Variants in CERS6 observed in about 807,000 individuals in gnomAD.
The protein encoded by CERS6 is LAG1 homolog, ceramide synthase 6.
A neutral mutation model predicts 56.8 loss-of-function variants in CERS6; 26 were observed. The observed-to-expected ratio is 0.46, with a 90% CI of 0.34 to 0.63. The LOEUF is 0.63. CERS6 is among the 30% of genes least tolerant of loss of function. CERS6 has a pLI of 0.01. For missense variants in CERS6, 415 were observed against 467.5 expected (o/e 0.89, Z 1.04); for synonymous variants, 164 against 173.3 (o/e 0.95, Z 0.42).
chr2:168,508,481 A>G (rs373916647), intron 1 of CERS6, among the ~76,000 whole-genome samples: 1 of 152,182 alleles, frequency 6.6e-6, no homozygotes, highest in African/African-American at 2.4e-5. Flanking sequence ...TTAATCTTCC[A>G]TCCTTTATTA....
rs1353929227 is a variant in CERS6, at chr2:168,502,493, T to C, written c.171-45103T>C. 5.3e-5 allele frequency among the ~76,000 whole-genome samples: 8 copies of C among 152,294 alleles called. No individual in the cohort carries two copies. The East Asian group carries it at 1.4e-3, about 26-fold the overall frequency. The stretch of plus-strand genomic sequence containing the variant: ...AGCTTTGGCTGCTTCATCTGCAGCA[T>C]GGTTGTCTTTGTTGTCCTTTGTCTT... On this transcript the variant is annotated intron_variant, in intron 1 of 9. Transcript: ENST00000305747.
rs752453936 is a variant in CERS6 at position 168,470,212 on chromosome 2, C to CAAAA, written c.170+13612_170+13615dup. 3.0e-3 allele frequency among the ~76,000 whole-genome samples: 315 copies of CAAAA among 105,568 alleles called. 1 individual carries two copies. The highest frequency in any genetic ancestry group is 3.9e-3 in the Non-Finnish European group (201 of 51,714). 69.3% of individuals were successfully genotyped at this position (105,568 alleles called of 152,430 possible). A position where few individuals can be genotyped will look rare whatever the true frequency, so the allele number is the denominator to read the frequency against. Reference sequence around the variant, plus strand: ...CCTAGTGAGACCCTGCCAACTCTACCAAAAAAAAAAAAAAAAAAAAATTAG... The same window carrying CAAAA: ...CCTAGTGAGACCCTGCCAACTCTACCAAAAAAAAAAAAAAAAAAAAAAAAATTAG... On this transcript the variant is annotated intron_variant, in intron 1 of 9. Coordinates refer to ENST00000305747, the MANE Select transcript of CERS6 (RefSeq NM_203463.3).
At chr2:168,552,627 C>A (rs1695597016) in intron 2 of CERS6, among the ~76,000 whole-genome samples, 1 of 152,070 alleles carries the variant, frequency 6.6e-6, no homozygotes, top group Non-Finnish European at 1.5e-5. Flanking sequence ...ACAAAAGAAC[C>A]ACCCACTGTT....
At chr2:168,468,068 C>T (rs1366977611) in intron 1 of CERS6, among the ~76,000 whole-genome samples, 1 of 152,108 alleles carries the variant, frequency 6.6e-6, no homozygotes, top group Admixed American at 6.5e-5. Flanking sequence ...GCCTTTTCTT[C>T]TCAACAGTTA....
At chr2:168,469,279 A>G (rs1244165051) in intron 1 of CERS6, among the ~76,000 whole-genome samples, 17 of 152,190 alleles carry the variant, frequency 1.1e-4, no homozygotes, top group Non-Finnish European at 2.9e-5. Flanking sequence ...AGCTCTGCAT[A>G]GTTTAAATAT....
chr2:168,584,783 C>T (rs940684972), intron 3 of CERS6, among the ~76,000 whole-genome samples: 1 of 152,194 alleles, frequency 6.6e-6, no homozygotes, highest in South Asian at 2.1e-4. Context: ...TAGACATCAA[C>T]AAACAAAAAT....
Position 168,561,313 on chromosome 2 carries a change from G to A in CERS6, c.398G>A (p.Cys133Tyr). ...AAGCCAAGCACGCTGACGAGGTTCT[G>A]TGAGAGCATGTAAGTTGCTGTTTTT... Reference protein sequence around the residue: ...QEKPSTLTRFCESMWRFSFYL... With the variant: ...QEKPSTLTRFYESMWRFSFYL... The change falls in exon 3 of 10, where the codon TGT (cysteine) becomes TAT (tyrosine). Residue 133 changes from cysteine (C) to tyrosine (Y), a missense_variant. Physicochemically the swap from Cys to Tyr is radical, Grantham distance 194. Coordinates refer to ENST00000305747, the MANE Select transcript of CERS6 (RefSeq NM_203463.3). 1 of 1,614,088 alleles carries A rather than the reference G, an allele frequency of 6.2e-7. No individual in the cohort carries two copies. Among genetic ancestry groups the A allele is most frequent in the South Asian group, 1.1e-5 (1 of 91,088 alleles).
At chr2:168,648,626 T>C (rs1249418375) in intron 4 of CERS6, among the ~76,000 whole-genome samples, 1 of 152,228 alleles carries the variant, frequency 6.6e-6, no homozygotes, top group African/African-American at 2.4e-5. Flanking sequence ...GGTTGTTAAT[T>C]TTAGATCTTT....
intron 6 of CERS6, among the ~76,000 whole-genome samples, chr2:168,713,171 G>T (rs548191123): frequency 1.3e-5 from 2 of 152,174 alleles, no homozygotes; most frequent in South Asian, 4.2e-4. Context: ...ATGAATAAAT[G>T]ACCATATGAA....
intron 8 of CERS6, among the ~76,000 whole-genome samples, chr2:168,739,792 C>CTG (rs1398220162): frequency 6.6e-6 from 1 of 151,646 alleles, no homozygotes; most frequent in Non-Finnish European, 1.5e-5. Flanking sequence ...GTCACCCAGG[C>CTG]TGTAGTACAA....
rs58781728 is a variant in CERS6 at position 168,555,722 on chromosome 2, CTGTGTGTGTGTG to C, written c.277-5438_277-5427del. 3.4e-3 allele frequency among the ~76,000 whole-genome samples: 485 copies of C among 141,002 alleles called. 1 individual carries two copies. Among genetic ancestry groups the C allele is most frequent in the Non-Finnish European group, 4.8e-3 (312 of 65,414 alleles). 92.5% of individuals were successfully genotyped at this position (141,002 alleles called of 152,430 possible). ...TTATTCTAGGAAAGTATAATTGACT[CTGTGTGTGTGTG>C]TGTGTGTGTGTGTGTGTGTGTGTGT... is the stretch of plus-strand genomic sequence containing the variant. On this transcript the variant is annotated intron_variant, in intron 2 of 9. Transcript: ENST00000305747.
chr2:168,500,685 A>G (rs527450884), intron 1 of CERS6, among the ~76,000 whole-genome samples: 6 of 152,076 alleles, frequency 3.9e-5, no homozygotes, highest in Non-Finnish European at 7.3e-5. Context: ...AAACCAAAGG[A>G]GAAACCACAG....
Position 168,466,257 on chromosome 2 carries a change from GTGTC to G in CERS6, c.170+9643_170+9646del, listed in dbSNP as rs752260060. ...TGCATGTGTAGAAGAGGAGAGCAAA[GTGTC>G]TGTAGAAAAGCACATTGCATAGTTT... is the stretch of plus-strand genomic sequence containing the variant. On this transcript the variant is annotated intron_variant, in intron 1 of 9. Transcript: ENST00000305747. Among the ~76,000 whole-genome samples the G allele has an allele frequency of 1.1e-3, 171 of 152,192 alleles. 2 individuals are homozygous for G. In the Middle Eastern group the frequency reaches 0.031, roughly 27 times the overall value.
At chr2:168,756,660 A>C (rs766175177) in intron 8 of CERS6, among the ~76,000 whole-genome samples, 1 of 152,198 alleles carries the variant, frequency 6.6e-6, no homozygotes, top group Non-Finnish European at 1.5e-5. Context: ...GAAATGCTGA[A>C]CAGAGATATT....
At chr2:168,690,066 A>G (rs1463262707) in intron 4 of CERS6, among the ~76,000 whole-genome samples, 1 of 152,162 alleles carries the variant, frequency 6.6e-6, no homozygotes, top group Non-Finnish European at 1.5e-5. Context: ...AAATGAGTTA[A>G]TATGTGTAGG....
intron 6 of CERS6, among the ~76,000 whole-genome samples, chr2:168,698,693 T>C (rs898156781): frequency 2.4e-4 from 37 of 152,194 alleles, no homozygotes; most frequent in African/African-American, 8.2e-4. Flanking sequence ...ATGACTGTTA[T>C]CTCAATAATT....
chr2:168,482,954 G>A (rs1035227239), intron 1 of CERS6, among the ~76,000 whole-genome samples: 1 of 152,206 alleles, frequency 6.6e-6, no homozygotes, highest in African/African-American at 2.4e-5. Context: ...AAGATAATGA[G>A]TTCATGTCTC....
At chr2:168,607,143 GT>G (rs1452769931) in intron 3 of CERS6, among the ~76,000 whole-genome samples, 1 of 151,704 alleles carries the variant, frequency 6.6e-6, no homozygotes, top group African/African-American at 2.4e-5. Flanking sequence ...TTTTTAAATG[GT>G]TTTTACATTT....
At chr2:168,512,962 G>C (rs976600451) in intron 1 of CERS6, among the ~76,000 whole-genome samples, 1 of 152,080 alleles carries the variant, frequency 6.6e-6, no homozygotes, top group Non-Finnish European at 1.5e-5. Flanking sequence ...TGCTGCGCCT[G>C]GCCTCTACAG....
Sources: allele counts gnomAD v4.1 joint callset (sites outside exome capture counted in the v4.1 genomes callset), GRCh38; gene constraint gnomAD v4.1.1; transcripts MANE v1.5; gene names NCBI Gene and HGNC (gene_info 2026-07-23, HGNC 2026-07-21).